The following CAPN7 variants were observed in gnomAD, a reference collection of about 807,000 sequenced individuals.
The protein encoded by CAPN7 is calpain-7.
CAPN7 carries 72 observed loss-of-function variants against 115.2 expected under a neutral mutation model. The observed-to-expected ratio is 0.63, with a 90% confidence interval of 0.52 to 0.76. The LOEUF (loss-of-function observed/expected upper bound fraction) is 0.76, where lower values mean the gene tolerates loss of function less well. Among genes scored for constraint, CAPN7 ranks in the 30% least tolerant of loss-of-function variants. The pLI is 0.00. For missense variants in CAPN7, 905 were observed against 971.5 expected (o/e 0.93, Z 0.91); for synonymous variants, 344 against 322.3 (o/e 1.07, Z -0.72).
At chr3:15,208,216 T>C (rs540084078) in intron 1 of CAPN7, among the ~76,000 whole-genome samples, 70 of 152,216 alleles carry the variant, frequency 4.6e-4, no homozygotes, top group African/African-American at 1.7e-3. Flanking sequence ...TATGCTTTTT[T>C]TTTTTTTTTA....
chr3:15,248,644 G>A (rs1348035165), intron 19 of CAPN7, among the ~76,000 whole-genome samples: 1 of 152,144 alleles, frequency 6.6e-6, no homozygotes, highest in East Asian at 1.9e-4. Flanking sequence ...TGATTAAGTT[G>A]TATATATGTT....
intron 16 of CAPN7, 24 bp from the exon 17 acceptor site, chr3:15,245,502 C>G (rs754991130): frequency 4.4e-6 from 7 of 1,595,074 alleles, no homozygotes; most frequent in Non-Finnish European, 6.0e-6. Flanking sequence ...CTCCTTTTCT[C>G]TAAGCCTACT....
intron 12 of CAPN7, among the ~76,000 whole-genome samples, chr3:15,239,219 C>T (rs1235572780): frequency 1.3e-5 from 2 of 152,140 alleles, no homozygotes; most frequent in Non-Finnish European, 2.9e-5. Context: ...CATACATCTA[C>T]CCCCAGCCAC....
At chr3:15,242,940 T>C (rs1695438392) in intron 16 of CAPN7, among the ~76,000 whole-genome samples, 1 of 152,246 alleles carries the variant, frequency 6.6e-6, no homozygotes, top group African/African-American at 2.4e-5. Flanking sequence ...AACAGGATTC[T>C]GCTTTCATAG....
intron 12 of CAPN7, 34 bp from the exon 13 acceptor site, chr3:15,240,439 A>G (rs752500646): frequency 1.9e-6 from 3 of 1,594,022 alleles, no homozygotes; most frequent in Non-Finnish European, 2.6e-6. Context: ...CTGTTTTACA[A>G]CTTAATGTTA....
At chr3:15,206,814 C>T (rs2124837449) in intron 1 of CAPN7, among the ~76,000 whole-genome samples, 1 of 152,368 alleles carries the variant, frequency 6.6e-6, no homozygotes, top group East Asian at 1.9e-4. Context: ...GCAGCCGCCG[C>T]TCCTCCACCT....
intron 12 of CAPN7, among the ~76,000 whole-genome samples, chr3:15,238,325 A>T (rs1222304040): frequency 6.6e-6 from 1 of 151,804 alleles, no homozygotes; most frequent in Non-Finnish European, 1.5e-5. Flanking sequence ...CACGTTAGCC[A>T]GGATGGTCTC....
At chr3:15,207,945 A>G (rs779444103) in intron 1 of CAPN7, among the ~76,000 whole-genome samples, 1 of 152,232 alleles carries the variant, frequency 6.6e-6, no homozygotes, top group Admixed American at 6.5e-5. Flanking sequence ...ATTATCAAGT[A>G]TTATGTACTC....
chr3:15,223,813 T>C (rs1694143261), intron 6 of CAPN7, among the ~76,000 whole-genome samples: 1 of 152,190 alleles, frequency 6.6e-6, no homozygotes, highest in Non-Finnish European at 1.5e-5. Context: ...GTAAAGTAAG[T>C]ACTCCGTAAA....
intron 2 of CAPN7, among the ~76,000 whole-genome samples, chr3:15,215,803 C>G (rs747213371): frequency 6.6e-6 from 1 of 152,126 alleles, no homozygotes; most frequent in Non-Finnish European, 1.5e-5. Context: ...TAAGAACATT[C>G]ATGTACACGC....
rs553137115 is a variant in CAPN7 at position 15,231,490 on chromosome 3, A to G, written c.1032+955A>G. On this transcript the variant is annotated intron_variant, in intron 9 of 20. Transcript: ENST00000253693. ...TAAAGATGTATGGCATAATCTTCCTATTGGTGTTAAATCAAAATTCTTATC... is the reference window on the plus strand; with the variant it reads ...TAAAGATGTATGGCATAATCTTCCTGTTGGTGTTAAATCAAAATTCTTATC... 8.6e-5 allele frequency among the ~76,000 whole-genome samples: 13 copies of G among 152,016 alleles called. No individual in the cohort carries two copies. In the South Asian group the frequency reaches 2.7e-3, roughly 32 times the overall value.
Position 15,240,453 on chromosome 3 carries a change from CCT to C in CAPN7, c.1408-19_1408-18del, listed in dbSNP as rs1445193500. On this transcript the variant is annotated intron_variant, in intron 12 of 20. Coordinates refer to ENST00000253693, the MANE Select transcript of CAPN7 (RefSeq NM_014296.3). ...ACTGTTTTACAACTTAATGTTATCT[CCT>C]GTTTCTTTTTTATATAGGGGCTGCG... 4 of 1,603,874 alleles carry C rather than the reference CCT, an allele frequency of 2.5e-6. No homozygotes were observed. The highest frequency in any genetic ancestry group is 8.5e-7 in the Non-Finnish European group (1 of 1,176,840).
chr3:15,213,761 T>C (rs1165136045), intron 2 of CAPN7, among the ~76,000 whole-genome samples: 1 of 152,174 alleles, frequency 6.6e-6, no homozygotes, highest in African/African-American at 2.4e-5. Context: ...AAAACTTACA[T>C]GTGATTTTTG....
rs187232733 is a variant in CAPN7 at position 15,216,613 on chromosome 3, A to G, written c.212-812A>G. 1.2e-4 allele frequency among the ~76,000 whole-genome samples: 19 copies of G among 152,340 alleles called. No homozygotes were observed. In the East Asian group the frequency reaches 3.5e-3, roughly 28 times the overall value. On this transcript the variant is annotated intron_variant, in intron 2 of 20. Coordinates refer to ENST00000253693, the MANE Select transcript of CAPN7 (RefSeq NM_014296.3). The stretch of plus-strand genomic sequence containing the variant: ...AAAATACATAACATATTCTAGGCTC[A>G]GGGTAAATAGAAAAAGCAGGAACTT...
rs766349986 is a variant in CAPN7 at position 15,217,433 on chromosome 3, A to C, written c.220A>C (p.Lys74Gln). ...TTTTTTTTCTATCCTAGTTCAGTCA[A>C]AGAGTGCTGATCCTTTGAAGTCAAA... ...VQALHSAVQS[K>Q]SADPLKSKHQ... Residue 74 changes from lysine to glutamine, a missense_variant, in exon 3 of 21, where the codon AAG becomes CAG. Lys to Gln is a moderately conservative substitution (Grantham distance 53, BLOSUM62 1). Around this residue, in one of 3 missense-constraint regions of CAPN7, gnomAD observed 271 missense variants for 239.6 expected, o/e 1.13. Coordinates refer to ENST00000253693, the MANE Select transcript of CAPN7 (RefSeq NM_014296.3). 11 of 1,611,178 alleles carry C rather than the reference A, an allele frequency of 6.8e-6. No homozygotes were observed. The South Asian group carries it at 1.0e-4, about 15-fold the overall frequency.
chr3:15,241,339 A>C, intron 14 of CAPN7, 114 bp from the exon 15 acceptor site: 1 of 1,029,184 alleles, frequency 9.7e-7, no homozygotes, highest in Non-Finnish European at 1.4e-6. Flanking sequence ...AAATTTAAAA[A>C]CAGTAAAACA....
In CAPN7 at chr3:15,247,235, C is replaced by CTTA. The variant is rs540522908; in HGVS notation, c.2074-90_2074-89insATT. On this transcript the variant is annotated intron_variant, in intron 18 of 20. Coordinates refer to ENST00000253693, the MANE Select transcript of CAPN7 (RefSeq NM_014296.3). ...TTGGAGACACAGAGTGGAAAATTGC[C>CTTA]TTTTTTTTTTTTTTGAGATGGAAAG... The CTTA allele has an allele frequency of 3.5e-5, 26 of 748,862 alleles. No homozygotes were observed. The African/African-American group carries it at 4.7e-4, about 13-fold the overall frequency. The allele number at this position is 748,862 out of a possible 1,614,324, so 46.4% of individuals were successfully genotyped here.
rs577224333 is a variant in CAPN7 at position 15,251,656 on chromosome 3, C to T, written c.*396C>T. Reference sequence around the variant, plus strand: ...GGAATAGTGGGCTAGATTAATATACCGAAATATTTCCATTGTTTCCCTTTT... The same window carrying T: ...GGAATAGTGGGCTAGATTAATATACTGAAATATTTCCATTGTTTCCCTTTT... On this transcript the variant is annotated 3_prime_UTR_variant, in exon 21 of 21. Coordinates refer to ENST00000253693, the MANE Select transcript of CAPN7 (RefSeq NM_014296.3). 4.8e-4 allele frequency: 75 copies of T among 155,366 alleles called. No homozygotes were observed. Among genetic ancestry groups the T allele is most frequent in the Non-Finnish European group, 8.8e-4 (62 of 70,218 alleles). 9.6% of individuals were successfully genotyped at this position (155,366 alleles called of 1,614,324 possible). A position where few individuals can be genotyped will look rare whatever the true frequency, so the allele number is the denominator to read the frequency against.
intron 1 of CAPN7, chr3:15,210,735 A>G (rs926034911): frequency 9.6e-6 from 12 of 1,247,296 alleles, no homozygotes; most frequent in Non-Finnish European, 1.3e-5. Context: ...AGCTGGGACT[A>G]CTTTGTAGAG....
Sources: allele counts gnomAD v4.1 joint callset (sites outside exome capture counted in the v4.1 genomes callset), GRCh38; gene constraint gnomAD v4.1.1; regional missense constraint gnomAD v4.1.1; transcripts MANE v1.5; gene names NCBI Gene and HGNC (gene_info 2026-07-23, HGNC 2026-07-21).